Variants in PBX3 observed in about 807,000 individuals in gnomAD.
The protein encoded by PBX3 is pre-B-cell leukemia transcription factor 3.
In PBX3, 14 loss-of-function variants were observed where a neutral mutation model predicts 48.5. That is an observed-to-expected ratio of 0.29 (90% CI 0.19 to 0.45). The LOEUF (loss-of-function observed/expected upper bound fraction) is 0.45. Among genes scored for constraint, PBX3 ranks in the 20% least tolerant of loss-of-function variants. PBX3 has a pLI of 1.00. For missense variants in PBX3, 386 were observed against 546.7 expected, an observed-to-expected ratio of 0.71 and a Z score of 2.93; for synonymous variants, 210 against 200.3, an observed-to-expected ratio of 1.05 and a Z score of -0.41.
intron 2 of PBX3, among the ~76,000 whole-genome samples, chr9:125,828,628 A>G (rs1283780282): frequency 5.3e-5 from 8 of 152,212 alleles, no homozygotes; most frequent in Admixed American, 4.6e-4. Flanking sequence ...ATATCATGTC[A>G]TATCAGACCA....
intron 3 of PBX3, among the ~76,000 whole-genome samples, chr9:125,920,153 A>G (rs1841426510): frequency 1.3e-5 from 2 of 152,234 alleles, no homozygotes; most frequent in South Asian, 4.1e-4. Context: ...ACCCAGCAGG[A>G]ATATGATAAT....
intron 2 of PBX3, among the ~76,000 whole-genome samples, chr9:125,801,727 T>C (rs1462207701): frequency 6.6e-6 from 1 of 151,942 alleles, no homozygotes; most frequent in African/African-American, 2.4e-5. Flanking sequence ...TTGCATGTGT[T>C]CTTCACCTAG....
chr9:125,883,613 T>C (rs1233267590), intron 2 of PBX3, among the ~76,000 whole-genome samples: 2 of 151,762 alleles, frequency 1.3e-5, no homozygotes, highest in Non-Finnish European at 2.9e-5. Context: ...TTTTTTTTTT[T>C]CTGGGCACGC....
chr9:125,913,154 G>C (rs1841242573), intron 2 of PBX3, among the ~76,000 whole-genome samples: 2 of 151,938 alleles, frequency 1.3e-5, no homozygotes, highest in African/African-American at 4.8e-5. Flanking sequence ...TCTTCTTCTT[G>C]TTGCCTATTT....
chr9:125,797,381 A>G (rs1191165639), intron 2 of PBX3: 2 of 151,944 alleles, frequency 1.3e-5, no homozygotes, highest in Non-Finnish European at 2.9e-5. Context: ...CATTGAACTT[A>G]CTTTACTTTT....
At chr9:125,880,587 T>C (rs1840359457) in intron 2 of PBX3, among the ~76,000 whole-genome samples, 1 of 152,234 alleles carries the variant, frequency 6.6e-6, no homozygotes. Flanking sequence ...CTCTGATTAC[T>C]ACAGAAATCA....
At chr9:125,822,286 C>G (rs1202288981) in intron 2 of PBX3, among the ~76,000 whole-genome samples, 7 of 152,120 alleles carry the variant, frequency 4.6e-5, no homozygotes, top group Admixed American at 4.6e-4. Context: ...TCAGCATATA[C>G]AGCATATAGC....
intron 2 of PBX3, among the ~76,000 whole-genome samples, chr9:125,908,931 T>A (rs1841139674): frequency 6.6e-6 from 1 of 152,132 alleles, no homozygotes. Flanking sequence ...TGTGCTAATA[T>A]GTGTGAGAAA....
intron 2 of PBX3, among the ~76,000 whole-genome samples, chr9:125,900,474 TC>T (rs1840917995): frequency 6.6e-6 from 1 of 151,636 alleles, no homozygotes; most frequent in Non-Finnish European, 1.5e-5. Context: ...ATTGTTAAAA[TC>T]AGGCCGCAAT....
intron 3 of PBX3, among the ~76,000 whole-genome samples, chr9:125,923,634 T>C (rs1841503028): frequency 6.6e-6 from 1 of 152,136 alleles, no homozygotes; most frequent in African/African-American, 2.4e-5. Context: ...GGGGCGAACA[T>C]GGCTCACTGA....
chr9:125,862,461 A>G (rs1241553553), intron 2 of PBX3, among the ~76,000 whole-genome samples: 1 of 152,128 alleles, frequency 6.6e-6, no homozygotes, highest in Non-Finnish European at 1.5e-5. Flanking sequence ...ATCTCGGCTC[A>G]CTACAATCTC....
Position 125,891,930 on chromosome 9 carries a change from A to G in PBX3, c.275-23756A>G, listed in dbSNP as rs536882200. ...AATCAGCATTTTATTTTATTTTATT[A>G]ATTTTTTTGAGACGGAGTCTCACTC... On this transcript the variant is annotated intron_variant, in intron 2 of 8. Transcript: ENST00000373489. 1.2e-4 allele frequency among the ~76,000 whole-genome samples: 19 copies of G among 152,078 alleles called. 1 individual carries two copies. The South Asian group carries it at 4.0e-3, about 32-fold the overall frequency.
At chr9:125,748,089 C>A in intron 1 of PBX3, 1 of 282,808 alleles carries the variant, frequency 3.5e-6, no homozygotes, top group Non-Finnish European at 5.3e-6. Flanking sequence ...GGGCGATGGG[C>A]GGTTCCCTGG....
At chr9:125,818,435 A>G (rs1838537190) in intron 2 of PBX3, among the ~76,000 whole-genome samples, 1 of 151,634 alleles carries the variant, frequency 6.6e-6, no homozygotes, top group Non-Finnish European at 1.5e-5. Context: ...CCTGGGTTCA[A>G]TTGATTCTCC....
At chr9:125,907,382 C>A (rs1024203862) in intron 2 of PBX3, among the ~76,000 whole-genome samples, 1 of 151,846 alleles carries the variant, frequency 6.6e-6, no homozygotes, top group African/African-American at 2.4e-5. Flanking sequence ...GATTATACTT[C>A]AAGATTATAA....
intron 3 of PBX3, among the ~76,000 whole-genome samples, chr9:125,917,445 T>C (rs1841359035): frequency 6.6e-6 from 1 of 152,178 alleles, no homozygotes; most frequent in Admixed American, 6.5e-5. Context: ...TCTATGGATT[T>C]GGATAAATTT....
intron 2 of PBX3, among the ~76,000 whole-genome samples, chr9:125,884,085 C>G (rs1368487471): frequency 6.6e-6 from 1 of 152,164 alleles, no homozygotes; most frequent in Non-Finnish European, 1.5e-5. Flanking sequence ...AGGCAAGTCA[C>G]AGGAAATTAA....
At chr9:125,940,340 A>G (rs995942660) in intron 5 of PBX3, among the ~76,000 whole-genome samples, 1 of 152,246 alleles carries the variant, frequency 6.6e-6, no homozygotes, top group African/African-American at 2.4e-5. Context: ...ATATAAGGCA[A>G]GGAAGTCTCA....
chr9:125,915,978 T>C, intron 3 of PBX3, 51 bp downstream of exon 3: 1 of 1,592,704 alleles, frequency 6.3e-7, no homozygotes, highest in Non-Finnish European at 8.6e-7. Context: ...GTTGCTCTTC[T>C]ATTAGACCAT....
Sources: gnomAD v4.1 joint callset for allele counts (sites outside exome capture counted in the v4.1 genomes callset) on GRCh38, gnomAD v4.1.1 for gene constraint, MANE v1.5 for transcripts, NCBI Gene and HGNC (gene_info 2026-07-23, HGNC 2026-07-21) for gene names.